The following CUEDC2 variants were observed in gnomAD, a reference collection of about 807,000 sequenced individuals.
CUEDC2 encodes the protein CUE domain-containing protein 2.
In CUEDC2, 10 loss-of-function variants were observed where a neutral mutation model predicts 36.0. That is an observed-to-expected ratio of 0.28 (90% CI 0.17 to 0.47). The LOEUF is 0.47. Ranked by LOEUF, CUEDC2 falls within the 20% of genes least tolerant of loss-of-function variation. The probability of loss-of-function intolerance (pLI) is 0.99; values close to 1 mark genes in which losing one functional copy is unlikely to be tolerated. For missense variants in CUEDC2, 269 were observed against 368.1 expected (o/e 0.73, Z 2.20); for synonymous variants, 133 against 141.8 (o/e 0.94, Z 0.44).
chr10:102,424,215 C>T lies in CUEDC2; in HGVS notation c.412-37G>A, dbSNP rs779338978. ...AACGTTAACAAGAGGCAATACTCCC[C>T]CCTTTCCAGCCCCCTGGGTCCCTCA... is the stretch of plus-strand genomic sequence containing the variant. On this transcript the variant is annotated intron_variant, in intron 5 of 8. Coordinates refer to ENST00000369937, the MANE Select transcript of CUEDC2 (RefSeq NM_024040.3). The surrounding 1 kb of genome is among the most constrained non-coding windows in gnomAD (Gnocchi z 4.2). 4.3e-6 allele frequency: 7 copies of T among 1,610,452 alleles called. No individual in the cohort carries two copies. Among genetic ancestry groups the T allele is most frequent in the Non-Finnish European group, 5.9e-6 (7 of 1,177,892 alleles).
chr10:102,424,429 G>T lies in CUEDC2; in HGVS notation c.281-35C>A. 1 of 1,614,080 alleles carries T rather than the reference G, an allele frequency of 6.2e-7. No homozygotes were observed. The highest frequency in any genetic ancestry group is 8.5e-7 in the Non-Finnish European group (1 of 1,179,944). ...GCAAAGAGAGCATCAGGTTTGCCAA[G>T]GCTCTGGGGAGCAGGCAGTTGGGGG... On this transcript the variant is annotated intron_variant, in intron 4 of 8. Coordinates refer to ENST00000369937, the MANE Select transcript of CUEDC2 (RefSeq NM_024040.3). This position sits in a 1 kb window ranked among gnomAD's most constrained non-coding sequence, Gnocchi z 4.2.
chr10:102,431,820 G>C (rs769049284), intron 1 of CUEDC2, among the ~76,000 whole-genome samples: 3 of 152,160 alleles, frequency 2.0e-5, no homozygotes, highest in Non-Finnish European at 2.9e-5. Context: ...GGGCAGCACA[G>C]GCCTGGACCC....
At chr10:102,428,698 A>G (rs950282493) in intron 1 of CUEDC2, among the ~76,000 whole-genome samples, 1 of 152,092 alleles carries the variant, frequency 6.6e-6, no homozygotes, top group Admixed American at 6.6e-5. Flanking sequence ...AGCCTCGGCA[A>G]CATATCAAGA....
intron 1 of CUEDC2, among the ~76,000 whole-genome samples, chr10:102,431,191 G>A (rs142302379): frequency 1.3e-5 from 2 of 152,296 alleles, no homozygotes; most frequent in African/African-American, 4.8e-5. Context: ...CCAGGCTGGA[G>A]TGCAGTGGTG....
In CUEDC2 at chr10:102,423,427, C is replaced by T; in HGVS notation, c.863G>A (p.Ter288=). ...CTCGGGCAGAGTCCGGCGAGTGCCT[C>T]AATGGAAGCGGTACTTTCTGGCTGG... is the stretch of plus-strand genomic sequence containing the variant. The part of the protein sequence containing the change: ...LKPARKYRFH[*] Residue 288 remains the stop codon, a stop_retained_variant, in exon 9 of 9, where the codon TGA becomes TAA. Transcript: ENST00000369937. This position sits in a 1 kb window ranked among gnomAD's most constrained non-coding sequence, Gnocchi z 5.6. The T allele has an allele frequency of 6.2e-7, 1 of 1,614,184 alleles. No individual in the cohort carries two copies. Among genetic ancestry groups the T allele is most frequent in the Non-Finnish European group, 8.5e-7 (1 of 1,180,024 alleles).
In CUEDC2 at chr10:102,424,375, G is replaced by C. The variant is rs1372823774; in HGVS notation, c.300C>G (p.Ser100Arg). The C allele has an allele frequency of 6.2e-7, 1 of 1,614,006 alleles. No individual in the cohort carries two copies. Among genetic ancestry groups the C allele is most frequent in the African/African-American group, 1.3e-5 (1 of 74,920 alleles). ...TGGGCACCTGACCTTGGACACCAGAGCTCTGCGGTTGCAGGTTCTCTTAAA... is the reference window on the plus strand; with the variant it reads ...TGGGCACCTGACCTTGGACACCAGACCTCTGCGGTTGCAGGTTCTCTTAAA... ...ARNKENLQPQ[S>R]SGVQGQVPIS... The change falls in exon 5 of 9, where the codon AGC (serine) becomes AGG (arginine). Residue 100 changes from serine to arginine, a missense_variant. By Grantham distance (110) the Ser-to-Arg change is moderately radical. Transcript: ENST00000369937. The surrounding 1 kb of genome is among the most constrained non-coding windows in gnomAD (Gnocchi z 4.2).
Position 102,423,498 on chromosome 10 carries a change from C to T in CUEDC2, c.792G>A (p.Arg264=), listed in dbSNP as rs2061583118. The change falls in exon 9 of 9, where the codon CGG becomes CGA. Residue 264 remains arginine (R), a synonymous_variant. Transcript: ENST00000369937. This position sits in a 1 kb window ranked among gnomAD's most constrained non-coding sequence, Gnocchi z 5.6. The part of the protein sequence containing the change: ...STKGERFKDV[R]NPEAEEMKAT... ...CCTTCATCTCCTCGGCCTCAGGGTTCCGCACATCTTTGAATCGCTCCCCTT... is the reference window on the plus strand; with the variant it reads ...CCTTCATCTCCTCGGCCTCAGGGTTTCGCACATCTTTGAATCGCTCCCCTT... 6.2e-7 allele frequency: 1 copy of T among 1,614,074 alleles called. No homozygotes were observed. Among genetic ancestry groups the T allele is most frequent in the Non-Finnish European group, 8.5e-7 (1 of 1,180,048 alleles).
In CUEDC2 at chr10:102,424,316, A is replaced by T; in HGVS notation, c.359T>A (p.Leu120His). Residue 120 changes from leucine to histidine, a missense_variant, in exon 5 of 9, where the codon CTC becomes CAC. By Grantham distance (99) the Leu-to-His change is moderately conservative (BLOSUM62 -3). Coordinates refer to ENST00000369937, the MANE Select transcript of CUEDC2 (RefSeq NM_024040.3). The surrounding 1 kb of genome is among the most constrained non-coding windows in gnomAD (Gnocchi z 4.2). ...SPEPLQRPEM[L>H]KEETRSSAAA... Reference sequence around the variant, plus strand: ...AGCCGAAGACCTAGTCTCTTCTTTGAGCATTTCGGGCCGCTGCAGGGGCTC... The same window carrying T: ...AGCCGAAGACCTAGTCTCTTCTTTGTGCATTTCGGGCCGCTGCAGGGGCTC... 1.2e-6 allele frequency: 2 copies of T among 1,613,988 alleles called. No homozygotes were observed. Among genetic ancestry groups the T allele is most frequent in the South Asian group, 2.2e-5 (2 of 91,078 alleles).
Position 102,423,259 on chromosome 10 carries a change from C to T in CUEDC2, c.*167G>A. On this transcript the variant is annotated 3_prime_UTR_variant, in exon 9 of 9. Transcript: ENST00000369937. The surrounding 1 kb of genome is among the most constrained non-coding windows in gnomAD (Gnocchi z 5.6). ...GAATGCACTCACACCTTCCTTGGGCCACCTTTACTGTGCCCATGGAGGCAG... is the reference window on the plus strand; with the variant it reads ...GAATGCACTCACACCTTCCTTGGGCTACCTTTACTGTGCCCATGGAGGCAG... 1 of 901,916 alleles carries T rather than the reference C, an allele frequency of 1.1e-6. No homozygotes were observed. Among genetic ancestry groups the T allele is most frequent in the Non-Finnish European group, 1.7e-6 (1 of 586,772 alleles). 55.9% of individuals were successfully genotyped at this position (901,916 alleles called of 1,614,324 possible). A position where few individuals can be genotyped will look rare whatever the true frequency, so the allele number is the denominator to read the frequency against.
chr10:102,427,078 G>T (rs970125756), intron 1 of CUEDC2, among the ~76,000 whole-genome samples: 2 of 152,044 alleles, frequency 1.3e-5, no homozygotes, highest in African/African-American at 4.8e-5. Flanking sequence ...AAAAAGGGGG[G>T]AATTTCTCAT....
chr10:102,424,638 C>T lies in CUEDC2; in HGVS notation c.218+11G>A. ...AGCCCCTTCCTCCTCCTGGCCCTAG[C>T]CAGAACCTACCTGGGGATGTGGGCG... On this transcript the variant is annotated intron_variant, in intron 3 of 8. Transcript: ENST00000369937. This position sits in a 1 kb window ranked among gnomAD's most constrained non-coding sequence, Gnocchi z 4.2. 6.2e-7 allele frequency: 1 copy of T among 1,614,210 alleles called. No individual in the cohort carries two copies. Among genetic ancestry groups the T allele is most frequent in the South Asian group, 1.1e-5 (1 of 91,086 alleles).
chr10:102,430,137 T>TC (rs2061611382), intron 1 of CUEDC2, among the ~76,000 whole-genome samples: 1 of 115,774 alleles, frequency 8.6e-6, no homozygotes, highest in Admixed American at 1.0e-4. Context: ...TTTTCTTTTT[T>TC]TTTTTTTAAT....
chr10:102,429,741 C>A lies in CUEDC2; in HGVS notation c.-11+2785G>T, dbSNP rs139747085. Among the ~76,000 whole-genome samples, 16 of 150,680 alleles carry A rather than the reference C, an allele frequency of 1.1e-4. No homozygotes were observed. The East Asian group carries it at 2.9e-3, about 28-fold the overall frequency. ...CCTCGACCCTGGGTTACATCACCCT[C>A]GAATCCTGGGCTGTCAGTTGCATGG... On this transcript the variant is annotated intron_variant, in intron 1 of 8. Transcript: ENST00000369937.
intron 1 of CUEDC2, among the ~76,000 whole-genome samples, chr10:102,429,197 T>C (rs1401619970): frequency 2.0e-5 from 3 of 152,134 alleles, no homozygotes; most frequent in South Asian, 2.1e-4. Flanking sequence ...TAATTATTAT[T>C]TGGACAATGT....
At chr10:102,427,080 A>G (rs546250995) in intron 1 of CUEDC2, among the ~76,000 whole-genome samples, 13 of 151,892 alleles carry the variant, frequency 8.6e-5, no homozygotes, top group African/African-American at 3.1e-4. Flanking sequence ...AAAGGGGGGA[A>G]TTTCTCATGA....
intron 1 of CUEDC2, among the ~76,000 whole-genome samples, chr10:102,430,407 G>T (rs566108248): frequency 6.6e-6 from 1 of 152,070 alleles, no homozygotes; most frequent in South Asian, 2.1e-4. Context: ...GACCTCAGGT[G>T]ATCTGCCCGC....
chr10:102,424,590 C>T lies in CUEDC2; in HGVS notation c.219-30G>A, dbSNP rs2061588916. On this transcript the variant is annotated intron_variant, in intron 3 of 8. Coordinates refer to ENST00000369937, the MANE Select transcript of CUEDC2 (RefSeq NM_024040.3). The surrounding 1 kb of genome is among the most constrained non-coding windows in gnomAD (Gnocchi z 4.2). Reference sequence around the variant, plus strand: ...AAAGATGAGGGCAGTGAGAGGATGACTCTGCCCACCCCATAATCAGCCAGC... The same window carrying T: ...AAAGATGAGGGCAGTGAGAGGATGATTCTGCCCACCCCATAATCAGCCAGC... 2 of 1,614,012 alleles carry T rather than the reference C, an allele frequency of 1.2e-6. No individual in the cohort carries two copies. The highest frequency in any genetic ancestry group is 2.2e-5 in the South Asian group (2 of 91,086).
At position 102,423,600 on chromosome 10, in the gene CUEDC2, G is replaced by A. The variant is rs768282340; in HGVS notation, c.718-28C>T. ...GTCAGGCAATCAGCAGTGAGTGGCA[G>A]AAGCCAGGAGCCAGTCCCACCCATT... On this transcript the variant is annotated intron_variant, in intron 8 of 8. Transcript: ENST00000369937. This position sits in a 1 kb window ranked among gnomAD's most constrained non-coding sequence, Gnocchi z 5.6. The A allele has an allele frequency of 6.2e-7, 1 of 1,614,194 alleles. No individual in the cohort carries two copies. The highest frequency in any genetic ancestry group is 8.5e-7 in the Non-Finnish European group (1 of 1,180,030).
At chr10:102,429,021 CA>C (rs11352968) in intron 1 of CUEDC2, among the ~76,000 whole-genome samples, 37,707 of 102,022 alleles carry the variant, frequency 0.37, 4,772 homozygotes, top group South Asian at 0.48. Flanking sequence ...GACTTTGTCT[CA>C]AAAAAAAAAA....
Sources: allele counts gnomAD v4.1 joint callset (sites outside exome capture counted in the v4.1 genomes callset), GRCh38; gene constraint gnomAD v4.1.1; non-coding constraint Gnocchi (gnomAD v3.1); transcripts MANE v1.5; gene names NCBI Gene and HGNC (gene_info 2026-07-23, HGNC 2026-07-21).